Variants in CDKAL1 observed in about 807,000 individuals in gnomAD.
CDKAL1 encodes the protein threonylcarbamoyladenosine tRNA methylthiotransferase.
CDKAL1 carries 32 observed loss-of-function variants against 68.2 expected under a neutral mutation model. That is an observed-to-expected ratio of 0.47 (90% CI 0.35 to 0.63). The LOEUF is 0.63. Among genes scored for constraint, CDKAL1 ranks in the 30% least tolerant of loss-of-function variants. The pLI is 0.00. For synonymous variants in CDKAL1, 234 were observed against 244.3 expected, an observed-to-expected ratio of 0.96 and a Z score of 0.39; for missense variants, 606 against 696.7, an observed-to-expected ratio of 0.87 and a Z score of 1.47.
At chr6:20,542,400 G>A (rs1318311430) in intron 2 of CDKAL1, among the ~76,000 whole-genome samples, 1 of 152,046 alleles carries the variant, frequency 6.6e-6, no homozygotes, top group Non-Finnish European at 1.5e-5. Context: ...AGCTTCTTTG[G>A]GCAAGTTAAT....
intron 4 of CDKAL1, among the ~76,000 whole-genome samples, chr6:20,560,673 A>G (rs564074425): frequency 6.6e-6 from 1 of 152,324 alleles, no homozygotes; most frequent in South Asian, 2.1e-4. Context: ...GTAGTAAACT[A>G]CTGCATTTAA....
intron 9 of CDKAL1, among the ~76,000 whole-genome samples, chr6:20,889,939 A>G (rs1187018846): frequency 6.6e-6 from 1 of 152,102 alleles, no homozygotes; most frequent in Non-Finnish European, 1.5e-5. Context: ...TTTTTTTTAG[A>G]GATGAGGTCT....
intron 8 of CDKAL1, among the ~76,000 whole-genome samples, chr6:20,844,818 TC>T (rs1778315442): frequency 6.6e-6 from 1 of 152,152 alleles, no homozygotes; most frequent in Non-Finnish European, 1.5e-5. Context: ...GTTTTCCCTT[TC>T]CCCTTGTTAT....
chr6:21,062,967 T>C (rs565383465), intron 11 of CDKAL1, among the ~76,000 whole-genome samples: 2 of 152,300 alleles, frequency 1.3e-5, no homozygotes, highest in Admixed American at 1.3e-4. Context: ...CAGACTGGAG[T>C]GCAGTGGCGC....
At chr6:20,978,938 C>CTTAT (rs1204920272) in intron 10 of CDKAL1, among the ~76,000 whole-genome samples, 3 of 152,102 alleles carry the variant, frequency 2.0e-5, no homozygotes, top group African/African-American at 4.8e-5. Flanking sequence ...CTCCTTGCAT[C>CTTAT]TTATTTATCT....
chr6:20,762,348 T>C, intron 7 of CDKAL1, among the ~76,000 whole-genome samples: 1 of 152,208 alleles, frequency 6.6e-6, no homozygotes, highest in Non-Finnish European at 1.5e-5. Flanking sequence ...ATGGGAAGTT[T>C]GATAATTAAG....
intron 8 of CDKAL1, among the ~76,000 whole-genome samples, chr6:20,823,943 G>T (rs555452988): frequency 1.3e-5 from 2 of 152,128 alleles, no homozygotes; most frequent in Non-Finnish European, 2.9e-5. Flanking sequence ...AAGTTATCTC[G>T]GGGTGAATGC....
intron 6 of CDKAL1, among the ~76,000 whole-genome samples, chr6:20,741,119 C>T (rs1418303766): frequency 2.0e-5 from 3 of 151,980 alleles, no homozygotes; most frequent in Non-Finnish European, 2.9e-5. Flanking sequence ...CCGGGAAAAG[C>T]GTATGTTAGG....
chr6:20,550,584 G>A (rs1248740881), intron 4 of CDKAL1, among the ~76,000 whole-genome samples: 2 of 152,056 alleles, frequency 1.3e-5, no homozygotes, highest in Admixed American at 6.6e-5. Flanking sequence ...AGGGGATCTG[G>A]GCAGTCAATA....
At chr6:20,702,846 A>AGG (rs1315710647) in intron 5 of CDKAL1, among the ~76,000 whole-genome samples, 1 of 152,134 alleles carries the variant, frequency 6.6e-6, no homozygotes, top group Non-Finnish European at 1.5e-5. Context: ...AGCCCTAGCC[A>AGG]GGGGCCACGC....
intron 5 of CDKAL1, among the ~76,000 whole-genome samples, chr6:20,703,979 CTTTA>C (rs1387512502): frequency 1.3e-5 from 2 of 152,066 alleles, no homozygotes; most frequent in African/African-American, 4.8e-5. Context: ...AAAATTATGT[CTTTA>C]TTGTTTTCAG....
At chr6:21,021,400 C>T (rs1196915094) in intron 11 of CDKAL1, among the ~76,000 whole-genome samples, 1 of 151,796 alleles carries the variant, frequency 6.6e-6, no homozygotes, top group African/African-American at 2.4e-5. Flanking sequence ...ATACAGAACA[C>T]AATCAATAAA....
chr6:20,768,771 T>C (rs988961805), intron 7 of CDKAL1, among the ~76,000 whole-genome samples: 1 of 152,168 alleles, frequency 6.6e-6, no homozygotes, highest in African/African-American at 2.4e-5. Flanking sequence ...TTAGTCTTGG[T>C]AACTTGGTTT....
At chr6:21,065,362 G>A in intron 12 of CDKAL1, 134 bp downstream of exon 12, 2 of 705,192 alleles carry the variant, frequency 2.8e-6, no homozygotes, top group Non-Finnish European at 4.6e-6. Flanking sequence ...CCAAGTTGGG[G>A]TCAGGGGCCA....
intron 13 of CDKAL1, among the ~76,000 whole-genome samples, chr6:21,135,036 T>C (rs184312732): frequency 4.5e-4 from 68 of 152,264 alleles, no homozygotes; most frequent in African/African-American, 1.4e-3. Flanking sequence ...CTTACGTAAA[T>C]AGTCTATGAC....
intron 10 of CDKAL1, among the ~76,000 whole-genome samples, chr6:20,985,559 T>A (rs577058940): frequency 6.6e-6 from 1 of 152,258 alleles, no homozygotes; most frequent in Non-Finnish European, 1.5e-5. Flanking sequence ...CCTCCCAAAA[T>A]GCTGTGATTA....
At chr6:21,013,120 A>G (rs951411422) in intron 11 of CDKAL1, among the ~76,000 whole-genome samples, 9 of 152,164 alleles carry the variant, frequency 5.9e-5, no homozygotes, top group African/African-American at 2.2e-4. Context: ...AACTCAGCTC[A>G]TGTATGATGG....
intron 4 of CDKAL1, among the ~76,000 whole-genome samples, chr6:20,578,791 A>G (rs997660556): frequency 2.0e-5 from 3 of 152,242 alleles, no homozygotes; most frequent in Non-Finnish European, 4.4e-5. Context: ...GGTGTTTGAC[A>G]AAAGAAACTG....
intron 8 of CDKAL1, among the ~76,000 whole-genome samples, chr6:20,839,253 T>C (rs1778081189): frequency 6.6e-6 from 1 of 152,140 alleles, no homozygotes; most frequent in Non-Finnish European, 1.5e-5. Flanking sequence ...AAATGAGAAA[T>C]ATAAGGAAAA....
Sources: allele counts gnomAD v4.1 joint callset (sites outside exome capture counted in the v4.1 genomes callset), GRCh38; gene constraint gnomAD v4.1.1; transcripts MANE v1.5; gene names NCBI Gene and HGNC (gene_info 2026-07-23, HGNC 2026-07-21).